Variants in THADA observed in about 807,000 individuals in gnomAD.
THADA encodes THADA armadillo repeat containing.
A neutral mutation model predicts 219.8 loss-of-function variants in THADA; 213 were observed. That is an observed-to-expected ratio of 0.97 (90% CI 0.87 to 1.09). The LOEUF (loss-of-function observed/expected upper bound fraction) is 1.09. Among genes scored for constraint, THADA ranks in the 50% least tolerant of loss-of-function variants. The pLI is 0.00. For missense variants in THADA, 2,956 were observed against 2,311.3 expected, an observed-to-expected ratio of 1.28 and a Z score of -5.72; for synonymous variants, 1,018 against 828.9, an observed-to-expected ratio of 1.23 and a Z score of -3.92.
At chr2:43,280,585 T>C (rs900409888) in intron 35 of THADA, among the ~76,000 whole-genome samples, 3 of 152,050 alleles carry the variant, frequency 2.0e-5, no homozygotes, top group African/African-American at 7.2e-5. Context: ...TGAACTGAGA[T>C]CGTGCCACTG....
chr2:43,449,035 G>T (rs181952587), intron 26 of THADA, among the ~76,000 whole-genome samples: 14 of 152,200 alleles, frequency 9.2e-5, no homozygotes, highest in Middle Eastern at 3.4e-3. Context: ...TTTAAAACAA[G>T]TATCTTGAAG....
chr2:43,514,618 T>C (rs1690980809), intron 22 of THADA, among the ~76,000 whole-genome samples: 1,522 of 93,236 alleles, frequency 0.016, 14 homozygotes, highest in African/African-American at 0.026. Flanking sequence ...ATTTTATATA[T>C]TTTATATATA....
intron 7 of THADA, 95 bp from the exon 8 acceptor site, chr2:43,582,023 C>G: frequency 2.3e-6 from 2 of 867,248 alleles, no homozygotes; most frequent in Non-Finnish European, 3.3e-6. Flanking sequence ...CCTCAAAGGC[C>G]CAAAATCAAT....
intron 30 of THADA, among the ~76,000 whole-genome samples, chr2:43,335,797 TAAA>T (rs143938377): frequency 2.4e-5 from 3 of 123,528 alleles, no homozygotes; most frequent in Non-Finnish European, 5.0e-5. Flanking sequence ...GTCTCTACTT[TAAA>T]AAAAAAAAAA....
In THADA at chr2:43,549,324, G is replaced by C. The variant is rs143275203; in HGVS notation, c.2992C>G (p.Arg998Gly). 4.9e-5 allele frequency: 79 copies of C among 1,602,968 alleles called. No homozygotes were observed. The East Asian group carries it at 1.7e-3, about 34-fold the overall frequency. The change falls in exon 20 of 38, where the codon CGA becomes GGA. Residue 998 changes from arginine (R) to glycine (G), a missense_variant. Physicochemically the swap from Arg to Gly is moderately radical, Grantham distance 125. Coordinates refer to ENST00000405975, the MANE Select transcript of THADA (RefSeq NM_022065.5). ...LQMILNEIQPRDTNDYFNQAK... is the reference protein window; with the variant it reads ...LQMILNEIQPGDTNDYFNQAK... ...TGGTTAAAATAATCATTAGTATCTC[G>C]AGGCTGAATCTCATTCAGAATCATC... is the stretch of plus-strand genomic sequence containing the variant.
At chr2:43,391,366 C>T (rs773601364) in intron 29 of THADA, among the ~76,000 whole-genome samples, 2 of 152,132 alleles carry the variant, frequency 1.3e-5, no homozygotes, top group Non-Finnish European at 2.9e-5. Context: ...TGGGGAACAA[C>T]CACACAGTGC....
At chr2:43,550,952 C>CA (rs879462696) in intron 19 of THADA, among the ~76,000 whole-genome samples, 1 of 150,756 alleles carries the variant, frequency 6.6e-6, no homozygotes, top group Non-Finnish European at 1.5e-5. Flanking sequence ...CCATCTCTAC[C>CA]AAAAAAAAAT....
chr2:43,347,993 AGAAGGGGTG>A (rs146676213), intron 29 of THADA, among the ~76,000 whole-genome samples: 157 of 152,340 alleles, frequency 1.0e-3, no homozygotes, highest in African/African-American at 3.6e-3. Flanking sequence ...AGGTCATAGC[AGAAGGGGTG>A]GAATGCCCAG....
chr2:43,334,027 G>C (rs879449498), intron 30 of THADA, among the ~76,000 whole-genome samples: 5 of 152,180 alleles, frequency 3.3e-5, no homozygotes, highest in Admixed American at 6.5e-5. Flanking sequence ...TCCTACACCA[G>C]AACTTCTGCA....
chr2:43,525,573 C>A (rs913858860), intron 22 of THADA, among the ~76,000 whole-genome samples: 6 of 152,180 alleles, frequency 3.9e-5, no homozygotes, highest in Non-Finnish European at 1.5e-5. Context: ...GTAGTCCCAA[C>A]TAGGCCCAGC....
chr2:43,312,029 C>T (rs1573019014), intron 31 of THADA, among the ~76,000 whole-genome samples: 1 of 152,020 alleles, frequency 6.6e-6, no homozygotes, highest in South Asian at 2.1e-4. Flanking sequence ...GGAGACCTCT[C>T]TCTACAAAAT....
intron 36 of THADA, among the ~76,000 whole-genome samples, chr2:43,256,468 G>A (rs927787067): frequency 7.2e-5 from 11 of 151,982 alleles, no homozygotes; most frequent in African/African-American, 2.7e-4. Flanking sequence ...AAGTGCAGGG[G>A]CATGATCACG....
At position 43,450,906 on chromosome 2, in the gene THADA, G is replaced by C. The variant is rs528660687; in HGVS notation, c.3837-20604C>G. 9.9e-5 allele frequency among the ~76,000 whole-genome samples: 15 copies of C among 152,280 alleles called. No homozygotes were observed. In the South Asian group the frequency reaches 1.0e-3, roughly 11 times the overall value. ...GGTAGCTAGAACAGTCAAATTCATA[G>C]AGACAGAAAGTAGAATGGTGGTTAC... On this transcript the variant is annotated intron_variant, in intron 26 of 37. Transcript: ENST00000405975.
rs1156799493 is a variant in THADA, at chr2:43,508,343, C to T, written c.3507+305G>A. ...CAGTGGGGTGGTGGGGTAACATGTG[C>T]ACTTCCTGGAAGTGAGCAATGACTG... On this transcript the variant is annotated intron_variant, in intron 23 of 37. Coordinates refer to ENST00000405975, the MANE Select transcript of THADA (RefSeq NM_022065.5). Among the ~76,000 whole-genome samples, 4 of 152,000 alleles carry T rather than the reference C, an allele frequency of 2.6e-5. 1 individual carries two copies. The South Asian group carries it at 8.3e-4, about 32-fold the overall frequency.
At chr2:43,577,372 T>C (rs1364188503) in intron 9 of THADA, 130 bp from the exon 10 acceptor site, 1 of 700,256 alleles carries the variant, frequency 1.4e-6, no homozygotes, top group South Asian at 2.0e-5. Context: ...AAAGATAAAA[T>C]ACCCACAAAT....
intron 36 of THADA, among the ~76,000 whole-genome samples, chr2:43,254,799 C>A (rs749253052): frequency 3.9e-5 from 6 of 152,178 alleles, no homozygotes; most frequent in Non-Finnish European, 8.8e-5. Context: ...GTTCCTTAAA[C>A]CTGATGCAGA....
chr2:43,337,435 G>T (rs959962964), intron 30 of THADA, among the ~76,000 whole-genome samples: 1 of 152,154 alleles, frequency 6.6e-6, no homozygotes, highest in African/African-American at 2.4e-5. Flanking sequence ...AAGAGTTAAT[G>T]AAATAATATT....
chr2:43,258,147 C>T (rs1014018990), intron 36 of THADA, among the ~76,000 whole-genome samples: 21 of 152,172 alleles, frequency 1.4e-4, no homozygotes, highest in Admixed American at 5.9e-4. Flanking sequence ...CTGAGTAGGT[C>T]TGAATTTCAG....
intron 36 of THADA, among the ~76,000 whole-genome samples, chr2:43,276,666 C>G (rs778079180): frequency 6.6e-6 from 1 of 152,186 alleles, no homozygotes; most frequent in Non-Finnish European, 1.5e-5. Flanking sequence ...AGAACCCAGA[C>G]AGTTTATTCT....
Sources: gnomAD v4.1 joint callset for allele counts (sites outside exome capture counted in the v4.1 genomes callset) on GRCh38, gnomAD v4.1.1 for gene constraint, MANE v1.5 for transcripts, NCBI Gene and HGNC (gene_info 2026-07-23, HGNC 2026-07-21) for gene names.